Variants in KIF2A observed in about 807,000 individuals in gnomAD.
The protein encoded by KIF2A is kinesin family member 2A, also known as kinesin-like protein KIF2A.
KIF2A carries 22 observed loss-of-function variants against 100.2 expected under a neutral mutation model. The ratio of observed to expected loss-of-function variants is 0.22; its 90% confidence interval spans 0.16 to 0.31. The LOEUF (loss-of-function observed/expected upper bound fraction) is 0.31. Ranked by LOEUF, KIF2A falls within the 10% of genes least tolerant of loss-of-function variation. The probability of loss-of-function intolerance (pLI) is 1.00; values close to 1 mark genes in which losing one functional copy is unlikely to be tolerated. For missense variants in KIF2A, 495 were observed against 898.7 expected (o/e 0.55, Z 5.74); for synonymous variants, 268 against 285.9 (o/e 0.94, Z 0.63).
At chr5:62,334,999 G>A (rs547035166) in intron 1 of KIF2A, among the ~76,000 whole-genome samples, 5 of 152,336 alleles carry the variant, frequency 3.3e-5, no homozygotes, top group Non-Finnish European at 4.4e-5. Context: ...AATCAGCCTG[G>A]TGATGGGTCC....
intron 1 of KIF2A, among the ~76,000 whole-genome samples, chr5:62,341,478 T>C (rs1024336941): frequency 6.6e-6 from 1 of 151,870 alleles, no homozygotes; most frequent in Non-Finnish European, 1.5e-5. Flanking sequence ...TTTTTAAATT[T>C]TTTTTATAGA....
intron 7 of KIF2A, among the ~76,000 whole-genome samples, chr5:62,356,273 A>G (rs1748102054): frequency 6.6e-6 from 1 of 152,172 alleles, no homozygotes; most frequent in African/African-American, 2.4e-5. Context: ...CTATTCCTTC[A>G]TGTGTTTCAC....
At chr5:62,384,412 G>A (rs1191692765) in intron 20 of KIF2A, among the ~76,000 whole-genome samples, 1 of 152,294 alleles carries the variant, frequency 6.6e-6, no homozygotes, top group East Asian at 1.9e-4. Flanking sequence ...GTAGGGTTTC[G>A]TAACCTTGAC....
At chr5:62,314,849 G>A (rs1433002717) in intron 1 of KIF2A, among the ~76,000 whole-genome samples, 3 of 137,164 alleles carry the variant, frequency 2.2e-5, no homozygotes, top group East Asian at 2.4e-4. Context: ...TGCAACCTCC[G>A]CCTCCTGGGT....
chr5:62,382,157 G>C (rs1201648950), intron 20 of KIF2A, among the ~76,000 whole-genome samples: 1 of 152,122 alleles, frequency 6.6e-6, no homozygotes, highest in African/African-American at 2.4e-5. Context: ...ATTTTTTTAA[G>C]GAGGCCCTCT....
rs1011671123 is a variant in KIF2A, at chr5:62,371,322, G to A, written c.1647-1116G>A. 5.3e-5 allele frequency among the ~76,000 whole-genome samples: 8 copies of A among 152,264 alleles called. 2 individuals carry two copies. The South Asian group carries it at 1.7e-3, about 32-fold the overall frequency. ...AAATAAACTTTAAGGATAAAAGGCA[G>A]ATGAATCCAATATTGAACCTTTGAC... is the stretch of plus-strand genomic sequence containing the variant. On this transcript the variant is annotated intron_variant, in intron 16 of 20. Transcript: ENST00000407818.
chr5:62,366,739 GA>G (rs1333749476), intron 16 of KIF2A, among the ~76,000 whole-genome samples: 2 of 151,710 alleles, frequency 1.3e-5, no homozygotes, highest in African/African-American at 4.8e-5. Context: ...GCTGAGGCAG[GA>G]GAATGGCCTG....
chr5:62,324,526 A>G (rs1427526694), intron 1 of KIF2A, among the ~76,000 whole-genome samples: 5 of 152,220 alleles, frequency 3.3e-5, no homozygotes, highest in Non-Finnish European at 2.9e-5. Context: ...AGACCAGTGG[A>G]ACAAGATTGA....
At chr5:62,377,560 CT>C in intron 18 of KIF2A, 100 bp from the exon 19 acceptor site, 2 of 588,170 alleles carry the variant, frequency 3.4e-6, no homozygotes. Context: ...ATTCAAGCCT[CT>C]TCAATTTCTA....
At chr5:62,326,232 A>C (rs1580013187) in intron 1 of KIF2A, among the ~76,000 whole-genome samples, 2 of 152,112 alleles carry the variant, frequency 1.3e-5, no homozygotes, top group East Asian at 3.9e-4. Context: ...CTTACCAAAA[A>C]CAGAATCCAT....
chr5:62,386,515 A>G lies in KIF2A; in HGVS notation c.*946A>G, dbSNP rs1388328726. ...TTGAAGTGTTCATTAGCACCCCAAA[A>G]TATACCTTTTCTATGTACTGTTAAA... On this transcript the variant is annotated 3_prime_UTR_variant, in exon 21 of 21. Transcript: ENST00000407818. 1 of 152,232 alleles carries G rather than the reference A, an allele frequency of 6.6e-6. No individual in the cohort carries two copies. The highest frequency in any genetic ancestry group is 1.5e-5 in the Non-Finnish European group (1 of 68,042). 9.4% of individuals were successfully genotyped at this position (152,232 alleles called of 1,614,324 possible).
chr5:62,323,957 C>T (rs112949978), intron 1 of KIF2A, among the ~76,000 whole-genome samples: 2,204 of 152,018 alleles, frequency 0.014, 23 homozygotes, highest in Middle Eastern at 0.051. Flanking sequence ...TCCCTTGAGC[C>T]CCAGAGGTTG....
intron 5 of KIF2A, chr5:62,352,972 T>C (rs943583741): frequency 1.2e-4 from 53 of 430,930 alleles, no homozygotes; most frequent in Non-Finnish European, 3.7e-5. Flanking sequence ...TGATAATTTG[T>C]CAGATGTTAC....
chr5:62,348,805 G>A (rs977489707), intron 3 of KIF2A, among the ~76,000 whole-genome samples: 9 of 151,424 alleles, frequency 5.9e-5, no homozygotes, highest in Non-Finnish European at 8.8e-5. Context: ...TTGAATCTGC[G>A]GTTCTTTGTG....
Position 62,387,183 on chromosome 5 carries a change from A to G in KIF2A, c.*1614A>G, listed in dbSNP as rs1294565395. ...TATTAATAAATGAAGTCTATGGAAT[A>G]AGTTTTAGAGATAATTTACTTCAGT... is the stretch of plus-strand genomic sequence containing the variant. On this transcript the variant is annotated 3_prime_UTR_variant, in exon 21 of 21. Transcript: ENST00000407818. The G allele has an allele frequency of 6.6e-6, 1 of 152,206 alleles. No homozygotes were observed. Among genetic ancestry groups the G allele is most frequent in the Non-Finnish European group, 1.5e-5 (1 of 68,026 alleles). 9.4% of individuals were successfully genotyped at this position (152,206 alleles called of 1,614,324 possible). A position where few individuals can be genotyped will look rare whatever the true frequency, so the allele number is the denominator to read the frequency against.
chr5:62,377,543 C>T, intron 18 of KIF2A, 118 bp from the exon 19 acceptor site: 1 of 500,978 alleles, frequency 2.0e-6, no homozygotes, highest in Non-Finnish European at 3.5e-6. Flanking sequence ...TTTTACTAGC[C>T]TTTACCATTC....
chr5:62,325,535 GAAA>G (rs1302065666), intron 1 of KIF2A, among the ~76,000 whole-genome samples: 1 of 152,068 alleles, frequency 6.6e-6, no homozygotes, highest in Non-Finnish European at 1.5e-5. Flanking sequence ...ACAGGTATAT[GAAA>G]AAATGCTCAA....
At chr5:62,343,854 G>A (rs1373196114) in intron 1 of KIF2A, among the ~76,000 whole-genome samples, 1 of 152,154 alleles carries the variant, frequency 6.6e-6, no homozygotes, top group Non-Finnish European at 1.5e-5. Context: ...GTACACATGA[G>A]GGTTGAGAAT....
At chr5:62,372,389 G>A in intron 16 of KIF2A, 49 bp from the exon 17 acceptor site, 1 of 978,766 alleles carries the variant, frequency 1.0e-6, no homozygotes, top group Non-Finnish European at 1.6e-6. Context: ...GTGCATTGCT[G>A]TCTTTCAAGA....
Sources: gnomAD v4.1 joint callset for allele counts (sites outside exome capture counted in the v4.1 genomes callset) on GRCh38, gnomAD v4.1.1 for gene constraint, MANE v1.5 for transcripts, NCBI Gene and HGNC (gene_info 2026-07-23, HGNC 2026-07-21) for gene names.